Variants in PTPRF observed in about 807,000 individuals in gnomAD.
PTPRF encodes protein tyrosine phosphatase receptor type F, also known as receptor-type tyrosine-protein phosphatase F.
PTPRF carries 59 observed loss-of-function variants against 201.8 expected under a neutral mutation model. The observed-to-expected ratio is 0.29, with a 90% CI of 0.24 to 0.36. The LOEUF (loss-of-function observed/expected upper bound fraction) is 0.36. PTPRF is among the 10% of genes least tolerant of loss of function. The pLI is 1.00. For missense variants in PTPRF, 2,132 were observed against 2,690.5 expected, an observed-to-expected ratio of 0.79 and a Z score of 4.59; for synonymous variants, 1,088 against 1,089.7, an observed-to-expected ratio of 1.00 and a Z score of 0.03.
chr1:43,575,853 T>A, intron 6 of PTPRF: 1 of 1,329,014 alleles, frequency 7.5e-7, no homozygotes, highest in African/African-American at 1.5e-5. Context: ...GTGGCTTTCC[T>A]TCCTTTTATA....
chr1:43,613,744 C>A, intron 23 of PTPRF, 29 bp downstream of exon 23: 1 of 1,589,630 alleles, frequency 6.3e-7, no homozygotes, highest in Non-Finnish European at 8.6e-7. Context: ...CTACCATGTG[C>A]CTGGCCCAGG....
At chr1:43,550,891 G>T (rs890824083) in intron 3 of PTPRF, among the ~76,000 whole-genome samples, 1 of 152,180 alleles carries the variant, frequency 6.6e-6, no homozygotes, top group Non-Finnish European at 1.5e-5. Flanking sequence ...TATGGCGGAG[G>T]TTGGCAGAAG....
At chr1:43,579,486 G>C (rs2153999270) in intron 7 of PTPRF, 1 of 337,552 alleles carries the variant, frequency 3.0e-6, no homozygotes, top group South Asian at 2.4e-5. Context: ...AGCCCCTGTG[G>C]TTATGTTGCC....
At chr1:43,595,814 A>G (rs921037034) in intron 11 of PTPRF, among the ~76,000 whole-genome samples, 2 of 151,962 alleles carry the variant, frequency 1.3e-5, no homozygotes, top group Non-Finnish European at 1.5e-5. Flanking sequence ...AGTGTGGGAG[A>G]CATGGTCATG....
chr1:43,547,435 T>G (rs1644750342), intron 3 of PTPRF, among the ~76,000 whole-genome samples: 1 of 152,178 alleles, frequency 6.6e-6, no homozygotes, highest in African/African-American at 2.4e-5. Flanking sequence ...GAGCCTGGGC[T>G]GGGGGTCAGA....
At position 43,553,013 on chromosome 1, in the gene PTPRF, G is replaced by A. The variant is rs965841447; in HGVS notation, c.92-479G>A. ...GAGGGAGGAGTCTCGGTTCCTGGCC[G>A]GAGCCCCGGGGTGGATGGTGGTGCC... On this transcript the variant is annotated intron_variant, in intron 3 of 33. Transcript: ENST00000359947. This position sits in a 1 kb window ranked among gnomAD's most constrained non-coding sequence, Gnocchi z 4.1. Among the ~76,000 whole-genome samples, 4 of 152,164 alleles carry A rather than the reference G, an allele frequency of 2.6e-5. No individual in the cohort carries two copies. Among genetic ancestry groups the A allele is most frequent in the South Asian group, 2.1e-4 (1 of 4,826 alleles).
chr1:43,532,976 T>A (rs536989853), intron 1 of PTPRF, among the ~76,000 whole-genome samples: 1 of 152,204 alleles, frequency 6.6e-6, no homozygotes, highest in South Asian at 2.1e-4. Flanking sequence ...GCCTGCACAC[T>A]CTCGCAGCAT....
upstream of PTPRF, among the ~76,000 whole-genome samples, chr1:43,526,771 A>G (rs1021476133): frequency 1.3e-5 from 2 of 152,212 alleles, no homozygotes; most frequent in African/African-American, 4.8e-5. Context: ...GTAGAGGGTT[A>G]TCTTCCCAAG....
rs1262460143 is a variant in PTPRF, at chr1:43,619,032, C to G, written c.4492-16C>G. 3.1e-6 allele frequency: 5 copies of G among 1,609,512 alleles called. No individual in the cohort carries two copies. The Admixed American group carries it at 8.3e-5, about 27-fold the overall frequency. On this transcript the variant is annotated splice_polypyrimidine_tract_variant and intron_variant, in intron 26 of 33. Transcript: ENST00000359947. Reference sequence around the variant, plus strand: ...TAGGCTCCTAGTCGCCAGTATGTCCCCACTTTGTCCCCCAGAGTGGCTCCA... The same window carrying G: ...TAGGCTCCTAGTCGCCAGTATGTCCGCACTTTGTCCCCCAGAGTGGCTCCA...
chr1:43,568,139 T>C (rs926468153), intron 5 of PTPRF, among the ~76,000 whole-genome samples: 1 of 151,930 alleles, frequency 6.6e-6, no homozygotes. Context: ...CTACTAAAAA[T>C]ACAAAATTTG....
Position 43,603,252 on chromosome 1 carries a change from T to A in PTPRF, c.2341-164T>A, listed in dbSNP as rs1030889001. 8.5e-5 allele frequency among the ~76,000 whole-genome samples: 13 copies of A among 152,170 alleles called. No homozygotes were observed. Among genetic ancestry groups the A allele is most frequent in the Non-Finnish European group, 1.6e-4 (11 of 68,020 alleles). On this transcript the variant is annotated intron_variant, in intron 14 of 33. Coordinates refer to ENST00000359947, the MANE Select transcript of PTPRF (RefSeq NM_002840.5). The surrounding 1 kb of genome is among the most constrained non-coding windows in gnomAD (Gnocchi z 5.8). ...CTCCCAGGCCTGCATCCTACCTGCC[T>A]GCTTCCTCTCCAGCAGAGGCCACCA...
In PTPRF at chr1:43,591,936, C is replaced by T. The variant is rs148716858; in HGVS notation, c.1656C>T (p.Asp552=). ...MYELVYWAAE[D]EDQQHKVTFD... Reference sequence around the variant, plus strand: ...AACTGGTGTACTGGGCGGCAGAGGACGAAGACCAACAGGTGTGCAGCGGGC... The same window carrying T: ...AACTGGTGTACTGGGCGGCAGAGGATGAAGACCAACAGGTGTGCAGCGGGC... Residue 552 remains aspartate, a synonymous_variant, in exon 10 of 34, where the codon GAC becomes GAT. Coordinates refer to ENST00000359947, the MANE Select transcript of PTPRF (RefSeq NM_002840.5). 6.2e-6 allele frequency: 10 copies of T among 1,613,630 alleles called. No homozygotes were observed. The highest frequency in any genetic ancestry group is 4.0e-5 in the African/African-American group (3 of 75,042).
intron 2 of PTPRF, among the ~76,000 whole-genome samples, chr1:43,538,601 T>C (rs548261029): frequency 9.9e-5 from 15 of 151,674 alleles, no homozygotes; most frequent in African/African-American, 3.6e-4. Context: ...ATGATAGAGG[T>C]GGATGGGGAA....
At chr1:43,579,186 A>G (rs1032250125) in intron 7 of PTPRF, 2 of 652,106 alleles carry the variant, frequency 3.1e-6, no homozygotes, top group Non-Finnish European at 5.8e-6. Context: ...GTCTTGCCGC[A>G]TGGGCCCGGA....
rs756267732 is a variant in PTPRF, at chr1:43,606,449, C to T, written c.3693C>T (p.Pro1231=). ...TTGTGCTTGCCTCCTTGAAGGAACC[C>T]ATGGACCAGGTCTGCCTGAGCCGGC... ...QCFVLASLKE[P]MDQKRYASSP... is the part of the protein sequence containing the mutation. Residue 1231 remains proline, a synonymous_variant, in exon 20 of 34, where the codon CCC becomes CCT. Transcript: ENST00000359947. 1.2e-6 allele frequency: 2 copies of T among 1,613,356 alleles called. No individual in the cohort carries two copies. Among genetic ancestry groups the T allele is most frequent in the South Asian group, 2.2e-5 (2 of 91,028 alleles).
intron 1 of PTPRF, among the ~76,000 whole-genome samples, chr1:43,531,829 G>GCGTCCCGTCC (rs369861722): frequency 8.5e-5 from 13 of 152,236 alleles, no homozygotes; most frequent in East Asian, 7.8e-4. Context: ...TGGCCGCCCC[G>GCGTCCCGTCC]CGTCCCGTCC....
At chr1:43,612,750 T>C in intron 22 of PTPRF, 1 of 1,364,536 alleles carries the variant, frequency 7.3e-7, no homozygotes, top group Middle Eastern at 2.1e-4. Flanking sequence ...GTTTGTTTGT[T>C]TGTTTTTTTC....
At chr1:43,594,739 C>T (rs1651825168) in intron 11 of PTPRF, among the ~76,000 whole-genome samples, 1 of 151,886 alleles carries the variant, frequency 6.6e-6, no homozygotes, top group Non-Finnish European at 1.5e-5. Context: ...GTGGTGCTGG[C>T]GTAGAATGGG....
chr1:43,612,763 T>G, intron 22 of PTPRF: 1 of 1,365,680 alleles, frequency 7.3e-7, no homozygotes, highest in Non-Finnish European at 9.8e-7. Flanking sequence ...TTTTTTTCTC[T>G]GCAGGTTCCA....
Sources: allele counts gnomAD v4.1 joint callset (sites outside exome capture counted in the v4.1 genomes callset), GRCh38; gene constraint gnomAD v4.1.1; non-coding constraint Gnocchi (gnomAD v3.1); transcripts MANE v1.5; gene names NCBI Gene and HGNC (gene_info 2026-07-23, HGNC 2026-07-21).